The following RPS6KC1 variants were observed in gnomAD, a reference collection of about 807,000 sequenced individuals.
The protein encoded by RPS6KC1 is ribosomal protein S6 kinase C1.
RPS6KC1 carries 54 observed loss-of-function variants against 103.8 expected under a neutral mutation model. The ratio of observed to expected loss-of-function variants is 0.52; its 90% confidence interval spans 0.42 to 0.65. The LOEUF (loss-of-function observed/expected upper bound fraction) is 0.65. RPS6KC1 is among the 30% of genes least tolerant of loss of function. The probability of loss-of-function intolerance (pLI) is 0.00; values close to 1 mark genes in which losing one functional copy is unlikely to be tolerated. For synonymous variants in RPS6KC1, 439 were observed against 438.7 expected (o/e 1.00, Z -0.01); for missense variants, 1,151 against 1,253.8 (o/e 0.92, Z 1.24).
chr1:213,257,692 C>T (rs2094681378), intron 12 of RPS6KC1, among the ~76,000 whole-genome samples: 2 of 149,260 alleles, frequency 1.3e-5, no homozygotes, highest in Admixed American at 6.7e-5. Flanking sequence ...GTGAACAAAG[C>T]AGCATTATAA....
intron 7 of RPS6KC1, among the ~76,000 whole-genome samples, chr1:213,169,126 G>T (rs1336388370): frequency 6.6e-6 from 1 of 152,122 alleles, no homozygotes; most frequent in Non-Finnish European, 1.5e-5. Context: ...CTAGCATGAA[G>T]ATCAGCCCAT....
At position 213,242,175 on chromosome 1, in the gene RPS6KC1, A is replaced by G. The variant is rs1378258913; in HGVS notation, c.2699A>G (p.Tyr900Cys). 2 of 1,613,936 alleles carry G rather than the reference A, an allele frequency of 1.2e-6. No homozygotes were observed. The highest frequency in any genetic ancestry group is 3.3e-5 in the Admixed American group (2 of 59,970). Reference protein sequence around the residue: ...DKKLALASRFYIPEGCIQRWA... With the variant: ...DKKLALASRFCIPEGCIQRWA... Reference sequence around the variant, plus strand: ...AAATTAGCACTAGCCTCCAGGTTTTACATCCCAGAGGGCTGCATTCAAAGA... The same window carrying G: ...AAATTAGCACTAGCCTCCAGGTTTTGCATCCCAGAGGGCTGCATTCAAAGA... Residue 900 changes from tyrosine to cysteine, a missense_variant, in exon 11 of 15, where the codon TAC becomes TGC. This residue lies in a region of RPS6KC1 where 189 missense variants were observed against 228.8 expected (regional missense o/e 0.83). Coordinates refer to ENST00000366960, the MANE Select transcript of RPS6KC1 (RefSeq NM_012424.6).
the RPS6KC1 span, among the ~76,000 whole-genome samples, chr1:213,416,448 G>GCTTGGC: frequency 2.0e-5 from 3 of 152,244 alleles, no homozygotes; most frequent in African/African-American, 7.2e-5. Flanking sequence ...AAGAGGCCTG[G>GCTTGGC]CTTGGCCAGT....
At chr1:213,108,125 T>A (rs2082668289) in intron 4 of RPS6KC1, among the ~76,000 whole-genome samples, 1 of 152,118 alleles carries the variant, frequency 6.6e-6, no homozygotes, top group Non-Finnish European at 1.5e-5. Context: ...GATGTATAAT[T>A]TATATATATT....
chr1:213,421,117 G>T, the RPS6KC1 span, among the ~76,000 whole-genome samples: 1 of 152,002 alleles, frequency 6.6e-6, no homozygotes, highest in Admixed American at 6.6e-5. Context: ...CATATGTTTG[G>T]TTTTTTTGTT....
At chr1:213,215,461 A>G (rs2093634400) in intron 8 of RPS6KC1, among the ~76,000 whole-genome samples, 1 of 152,220 alleles carries the variant, frequency 6.6e-6, no homozygotes, top group Non-Finnish European at 1.5e-5. Flanking sequence ...TCTGCAGAAT[A>G]TTATCCAGGA....
At chr1:213,699,283 A>G in the RPS6KC1 span, among the ~76,000 whole-genome samples, 1 of 152,218 alleles carries the variant, frequency 6.6e-6, no homozygotes, top group Non-Finnish European at 1.5e-5. Context: ...TTCTATTTTT[A>G]GCTCACACAA....
chr1:213,785,399 T>G, the RPS6KC1 span, among the ~76,000 whole-genome samples: 1 of 151,862 alleles, frequency 6.6e-6, no homozygotes, highest in African/African-American at 2.4e-5. Flanking sequence ...ACACTGGGAC[T>G]GTGACAGCTG....
At chr1:213,521,936 T>C in the RPS6KC1 span, among the ~76,000 whole-genome samples, 1 of 152,218 alleles carries the variant, frequency 6.6e-6, no homozygotes, top group Non-Finnish European at 1.5e-5. Flanking sequence ...TTCCAAACAC[T>C]TGTTAACATT....
intron 1 of RPS6KC1, among the ~76,000 whole-genome samples, chr1:213,054,844 T>C (rs1171417109): frequency 2.6e-5 from 4 of 152,178 alleles, no homozygotes; most frequent in Non-Finnish European, 5.9e-5. Context: ...AATTGGAAAA[T>C]TCTTTCATAA....
At chr1:213,306,008 C>A in the RPS6KC1 span, among the ~76,000 whole-genome samples, 1 of 152,362 alleles carries the variant, frequency 6.6e-6, no homozygotes, top group South Asian at 2.1e-4. Context: ...TTGGTAACAA[C>A]ACCCAAATTT....
the RPS6KC1 span, among the ~76,000 whole-genome samples, chr1:213,491,125 C>T: frequency 3.3e-5 from 5 of 152,142 alleles, no homozygotes; most frequent in Non-Finnish European, 7.3e-5. Flanking sequence ...GTTGTTAAAA[C>T]GCTACTCTTA....
chr1:213,070,501 G>A (rs1459983622), intron 1 of RPS6KC1, among the ~76,000 whole-genome samples: 1 of 152,130 alleles, frequency 6.6e-6, no homozygotes, highest in African/African-American at 2.4e-5. Flanking sequence ...TTCACAAATT[G>A]GTCAGCCTCC....
At chr1:213,295,852 C>T in the RPS6KC1 span, among the ~76,000 whole-genome samples, 25 of 152,202 alleles carry the variant, frequency 1.6e-4, no homozygotes, top group Admixed American at 1.4e-3. Flanking sequence ...AAGAGGAAGT[C>T]GAGGTTCAGG....
At chr1:213,237,805 A>G (rs925482729) in intron 10 of RPS6KC1, among the ~76,000 whole-genome samples, 19 of 152,144 alleles carry the variant, frequency 1.2e-4, no homozygotes, top group African/African-American at 4.3e-4. Flanking sequence ...ATGTGCTTCA[A>G]AAAGACTTAG....
intron 6 of RPS6KC1, among the ~76,000 whole-genome samples, chr1:213,136,273 T>G (rs1413032233): frequency 6.6e-6 from 1 of 152,208 alleles, no homozygotes; most frequent in Non-Finnish European, 1.5e-5. Flanking sequence ...AATAAAAGCC[T>G]CAGGGAGGAT....
chr1:213,590,523 G>T, the RPS6KC1 span, among the ~76,000 whole-genome samples: 5 of 152,216 alleles, frequency 3.3e-5, no homozygotes, highest in Non-Finnish European at 5.9e-5. Context: ...ACAGTAAGCT[G>T]CGAGGCAATC....
At chr1:213,453,713 C>A in the RPS6KC1 span, among the ~76,000 whole-genome samples, 1 of 152,166 alleles carries the variant, frequency 6.6e-6, no homozygotes, top group African/African-American at 2.4e-5. Flanking sequence ...CTGAACAAGT[C>A]AGTGCCTTTG....
At chr1:213,391,193 C>G in the RPS6KC1 span, among the ~76,000 whole-genome samples, 1 of 152,120 alleles carries the variant, frequency 6.6e-6, no homozygotes, top group Non-Finnish European at 1.5e-5. Flanking sequence ...TTGCCTTGAA[C>G]AGCTTAAAAA....
Sources: gnomAD v4.1 joint callset for allele counts (sites outside exome capture counted in the v4.1 genomes callset) on GRCh38, gnomAD v4.1.1 for gene constraint, gnomAD v4.1.1 regional missense constraint, MANE v1.5 for transcripts, NCBI Gene and HGNC (gene_info 2026-07-23, HGNC 2026-07-21) for gene names.